TBC1D5: variants seen among roughly 807,000 people sequenced by gnomAD.
TBC1D5 encodes the protein TBC1 domain family member 5, also known as TBC1 domain family, member 5.
Under a neutral mutation model 100.3 loss-of-function variants are expected in TBC1D5, and 75 were observed. The observed-to-expected ratio is 0.75, with a 90% CI of 0.62 to 0.91. The LOEUF is 0.91. TBC1D5 is among the 40% of genes least tolerant of loss of function. TBC1D5 has a pLI of 0.00. For missense variants in TBC1D5, 910 were observed against 942.4 expected (o/e 0.97, Z 0.45); for synonymous variants, 323 against 325.6 (o/e 0.99, Z 0.09).
chr3:17,622,328 T>C (rs962084651), intron 2 of TBC1D5, among the ~76,000 whole-genome samples: 7 of 152,128 alleles, frequency 4.6e-5, no homozygotes, highest in Non-Finnish European at 5.9e-5. Context: ...GACCAGGGGA[T>C]TGGGGACCCC....
intron 4 of TBC1D5, among the ~76,000 whole-genome samples, chr3:17,410,316 A>G (rs2093888832): frequency 6.6e-6 from 1 of 152,132 alleles, no homozygotes; most frequent in African/African-American, 2.4e-5. Flanking sequence ...CTTTCAAAAT[A>G]TTATTGTTCA....
intron 14 of TBC1D5, among the ~76,000 whole-genome samples, chr3:17,305,843 T>C (rs2083339843): frequency 6.6e-6 from 1 of 152,284 alleles, no homozygotes; most frequent in Non-Finnish European, 1.5e-5. Context: ...TGAACTACCA[T>C]CACAACTGTT....
At chr3:17,163,265 C>A (rs1389674619) in intron 21 of TBC1D5, among the ~76,000 whole-genome samples, 2 of 20,618 alleles carry the variant, frequency 9.7e-5, no homozygotes, top group Admixed American at 7.6e-4. Context: ...ACCCCCCCCC[C>A]TTCCTTGCCC....
At chr3:17,347,423 T>G (rs1318934761) in intron 13 of TBC1D5, among the ~76,000 whole-genome samples, 2 of 152,182 alleles carry the variant, frequency 1.3e-5, no homozygotes, top group Non-Finnish European at 2.9e-5. Context: ...CCTTTAAAAC[T>G]GTTCTTGTTT....
intron 2 of TBC1D5, among the ~76,000 whole-genome samples, chr3:17,568,904 T>C (rs2096609291): frequency 6.6e-6 from 1 of 151,732 alleles, no homozygotes; most frequent in Non-Finnish European, 1.5e-5. Flanking sequence ...TATCTGAATG[T>C]TGATGCATTT....
At chr3:17,220,553 T>C (rs866837513) in intron 17 of TBC1D5, among the ~76,000 whole-genome samples, 2 of 152,200 alleles carry the variant, frequency 1.3e-5, no homozygotes, top group African/African-American at 2.4e-5. Flanking sequence ...TTTTCTTTTA[T>C]GTCTTTTATT....
At chr3:17,301,241 A>C (rs1438330694) in intron 14 of TBC1D5, among the ~76,000 whole-genome samples, 2 of 152,220 alleles carry the variant, frequency 1.3e-5, no homozygotes, top group South Asian at 2.1e-4. Context: ...TATGTTTAAA[A>C]TAGAGACCAT....
chr3:17,539,394 A>G (rs936840350), intron 2 of TBC1D5, among the ~76,000 whole-genome samples: 1 of 152,238 alleles, frequency 6.6e-6, no homozygotes, highest in African/African-American at 2.4e-5. Context: ...ACCTAGAAAG[A>G]GAAAGGCATT....
intron 2 of TBC1D5, among the ~76,000 whole-genome samples, chr3:17,550,216 TG>T: frequency 6.6e-6 from 1 of 152,234 alleles, no homozygotes; most frequent in Middle Eastern, 3.4e-3. Flanking sequence ...CTATGTGCTT[TG>T]GAATTATTAC....
intron 8 of TBC1D5, among the ~76,000 whole-genome samples, chr3:17,401,106 C>T (rs1559804801): frequency 6.6e-6 from 1 of 151,988 alleles, no homozygotes. Context: ...ATACATTTCC[C>T]TACTATTCTA....
intron 2 of TBC1D5, among the ~76,000 whole-genome samples, chr3:17,548,783 CATAA>C (rs1203314438): frequency 6.6e-6 from 1 of 152,072 alleles, no homozygotes; most frequent in Non-Finnish European, 1.5e-5. Context: ...TCTGGGCTAA[CATAA>C]TAAAGAATTA....
At chr3:17,564,662 G>A (rs562665239) in intron 2 of TBC1D5, among the ~76,000 whole-genome samples, 2 of 152,214 alleles carry the variant, frequency 1.3e-5, no homozygotes, top group African/African-American at 4.8e-5. Flanking sequence ...GCTAGTTGAT[G>A]CCCTATGTAT....
chr3:17,566,814 C>A (rs2153491727), intron 2 of TBC1D5, among the ~76,000 whole-genome samples: 1 of 151,736 alleles, frequency 6.6e-6, no homozygotes, highest in East Asian at 1.9e-4. Flanking sequence ...GAAGGCCTTT[C>A]TATTTAGTTG....
chr3:17,438,582 G>C (rs904439737), intron 3 of TBC1D5, among the ~76,000 whole-genome samples: 1 of 152,152 alleles, frequency 6.6e-6, no homozygotes, highest in African/African-American at 2.4e-5. Context: ...CACCATAATT[G>C]TAAGTTTCCT....
At chr3:17,224,411 TTAA>T (rs1399319662) in intron 17 of TBC1D5, among the ~76,000 whole-genome samples, 12 of 152,374 alleles carry the variant, frequency 7.9e-5, no homozygotes, top group African/African-American at 2.9e-4. Context: ...AAAATTAATT[TTAA>T]TAATCTATTA....
chr3:17,297,501 G>A lies in TBC1D5; in HGVS notation c.1139-5500C>T, dbSNP rs1022613608. ...TGACGCAGGAGAATCACTTGGACCC[G>A]GGAAGTGGAGGTTGCAGTGAGCCCA... On this transcript the variant is annotated intron_variant, in intron 14 of 21. Transcript: ENST00000253692. Among the ~76,000 whole-genome samples, 5 of 151,766 alleles carry A rather than the reference G, an allele frequency of 3.3e-5. No homozygotes were observed. The East Asian group carries it at 5.8e-4, about 18-fold the overall frequency.
intron 1 of TBC1D5, among the ~76,000 whole-genome samples, chr3:17,719,354 C>T (rs1191693170): frequency 2.6e-5 from 4 of 152,130 alleles, no homozygotes; most frequent in Non-Finnish European, 1.5e-5. Context: ...CCCAGTAAAA[C>T]CTGTTAGCAT....
chr3:17,612,434 C>T (rs1375592558), intron 2 of TBC1D5, among the ~76,000 whole-genome samples: 1 of 151,926 alleles, frequency 6.6e-6, no homozygotes, highest in Non-Finnish European at 1.5e-5. Context: ...TCGAGACCAG[C>T]CTGGCCAACA....
At chr3:17,175,015 C>A (rs1332303679) in intron 19 of TBC1D5, among the ~76,000 whole-genome samples, 1 of 152,172 alleles carries the variant, frequency 6.6e-6, no homozygotes, top group African/African-American at 2.4e-5. Context: ...AGATATTTCC[C>A]AGATGAAGAT....
Sources: allele counts gnomAD v4.1 joint callset (sites outside exome capture counted in the v4.1 genomes callset), GRCh38; gene constraint gnomAD v4.1.1; transcripts MANE v1.5; gene names NCBI Gene and HGNC (gene_info 2026-07-23, HGNC 2026-07-21).